Variants in PCID2 observed in about 807,000 individuals in gnomAD.
PCID2 encodes PCI domain containing 2, also known as PCI domain-containing protein 2.
A neutral mutation model predicts 61.3 loss-of-function variants in PCID2; 41 were observed. The ratio of observed to expected loss-of-function variants is 0.67; its 90% CI spans 0.52 to 0.87. The LOEUF is 0.87. Ranked by LOEUF, PCID2 falls within the 40% of genes least tolerant of loss-of-function variation. PCID2 has a pLI of 0.00. For synonymous variants in PCID2, 187 were observed against 177.8 expected (o/e 1.05, Z -0.41); for missense variants, 392 against 493.4 (o/e 0.79, Z 1.95).
intron 7 of PCID2, chr13:113,188,662 T>C (rs2138767312): frequency 6.6e-6 from 1 of 152,378 alleles, no homozygotes; most frequent in South Asian, 2.1e-4. Context: ...AGAAAAGCCA[T>C]GAATATTCTT....
intron 3 of PCID2, 142 bp downstream of exon 3, chr13:113,198,049 A>G (rs1409155896): frequency 3.1e-6 from 2 of 634,940 alleles, no homozygotes; most frequent in Non-Finnish European, 5.6e-6. Flanking sequence ...AGGCTTTACC[A>G]AACTGAAGTT....
intron 1 of PCID2, chr13:113,208,352 C>T (rs1477710673): frequency 4.1e-5 from 59 of 1,433,340 alleles, no homozygotes; most frequent in Non-Finnish European, 5.2e-5. Flanking sequence ...TCTACTTACA[C>T]CGCGACGACT....
At chr13:113,166,207 G>A in the PCID2 span, 28 of 152,292 alleles carry the variant, frequency 1.8e-4, no homozygotes, top group African/African-American at 5.3e-4. Context: ...CCACAATAAT[G>A]TAAGTAAAAG....
chr13:113,172,859 G>GA (rs1331010491), downstream of PCID2, among the ~76,000 whole-genome samples: 1 of 152,202 alleles, frequency 6.6e-6, no homozygotes, highest in African/African-American at 2.4e-5. Flanking sequence ...GCCCAGGGTA[G>GA]AATCCCAGCA....
At chr13:113,207,904 C>T (rs1024501117) in intron 1 of PCID2, 5 of 873,826 alleles carry the variant, frequency 5.7e-6, no homozygotes, top group African/African-American at 3.3e-5. Flanking sequence ...AAATCCATTC[C>T]CTATATTTCC....
chr13:113,169,737 T>C, the PCID2 span, among the ~76,000 whole-genome samples: 4 of 152,222 alleles, frequency 2.6e-5, no homozygotes, highest in East Asian at 1.9e-4. Context: ...GTGGAAGCAA[T>C]TGCTATTCCC....
At chr13:113,194,705 T>C (rs1420961455) in intron 6 of PCID2, among the ~76,000 whole-genome samples, 1 of 152,134 alleles carries the variant, frequency 6.6e-6, no homozygotes, top group Non-Finnish European at 1.5e-5. Context: ...TGCCCAAATC[T>C]ATATGAAGCT....
At chr13:113,189,628 C>T (rs148013568) in intron 7 of PCID2, among the ~76,000 whole-genome samples, 8 of 149,614 alleles carry the variant, frequency 5.3e-5, no homozygotes, top group East Asian at 2.0e-4. Context: ...CAGAATCAGA[C>T]GGAAAGTTGA....
At chr13:113,208,469 C>A in intron 1 of PCID2, 130 bp downstream of exon 1, 1 of 1,531,310 alleles carries the variant, frequency 6.5e-7, no homozygotes, top group African/African-American at 1.4e-5. Flanking sequence ...CGGCTGCCCG[C>A]CGGGGACCCG....
At chr13:113,184,729 A>C (rs1373092744) in intron 8 of PCID2, among the ~76,000 whole-genome samples, 1 of 151,640 alleles carries the variant, frequency 6.6e-6, no homozygotes, top group African/African-American at 2.4e-5. Context: ...GGCTCTGGGA[A>C]GCTGTTCCAG....
chr13:113,202,268 C>G (rs1426197181), intron 1 of PCID2, among the ~76,000 whole-genome samples: 2 of 152,226 alleles, frequency 1.3e-5, no homozygotes, highest in African/African-American at 4.8e-5. Context: ...CCCCATTGTT[C>G]AACTCAGGGT....
At chr13:113,170,868 A>G in the PCID2 span, among the ~76,000 whole-genome samples, 4 of 151,742 alleles carry the variant, frequency 2.6e-5, no homozygotes, top group East Asian at 7.7e-4. Flanking sequence ...ATCCCCCAGC[A>G]GTTGAGACCT....
the PCID2 span, among the ~76,000 whole-genome samples, chr13:113,170,173 G>A: frequency 6.6e-6 from 1 of 152,148 alleles, no homozygotes. Context: ...CACCTGGGCC[G>A]AAAGGGGAAG....
At chr13:113,202,875 A>G (rs2039532958) in intron 1 of PCID2, among the ~76,000 whole-genome samples, 2 of 152,262 alleles carry the variant, frequency 1.3e-5, no homozygotes, top group African/African-American at 2.4e-5. Context: ...AAATAGAAAG[A>G]CAAACCTTAA....
chr13:113,186,154 C>A (rs1415107697), intron 7 of PCID2: 1 of 152,592 alleles, frequency 6.6e-6, no homozygotes, highest in African/African-American at 2.4e-5. Context: ...TGTGGTGGTC[C>A]ATTTACATGA....
chr13:113,190,237 A>AT (rs2038496361), intron 7 of PCID2, among the ~76,000 whole-genome samples: 2 of 151,788 alleles, frequency 1.3e-5, no homozygotes, highest in Admixed American at 1.3e-4. Flanking sequence ...AATTAAAAAA[A>AT]AAAAAAAAAA....
chr13:113,197,649 G>A lies in PCID2; in HGVS notation c.201-406C>T, dbSNP rs571293523. Among the ~76,000 whole-genome samples, 6 of 152,308 alleles carry A rather than the reference G, an allele frequency of 3.9e-5. No homozygotes were observed. In the East Asian group the frequency reaches 9.7e-4, roughly 25 times the overall value. ...AGGTGCTTTGTACTACAAGGAACACGGTGGTGCCCCAACTCTTCCAAAGAC... is the reference window on the plus strand; with the variant it reads ...AGGTGCTTTGTACTACAAGGAACACAGTGGTGCCCCAACTCTTCCAAAGAC... On this transcript the variant is annotated intron_variant, in intron 3 of 13. Transcript: ENST00000337344.
chr13:113,208,185 G>C (rs1447990260), intron 1 of PCID2: 11 of 1,573,178 alleles, frequency 7.0e-6, no homozygotes, highest in Non-Finnish European at 9.5e-6. Context: ...GCCTCCTGGA[G>C]TCCCCGAATT....
rs757340778 is a variant in PCID2, at chr13:113,178,260, G to A, written c.1138C>T (p.Gln380Ter). The A allele has an allele frequency of 1.9e-6, 3 of 1,613,720 alleles. No homozygotes were observed. Among genetic ancestry groups the A allele is most frequent in the Non-Finnish European group, 2.5e-6 (3 of 1,179,692 alleles). Residue 380 changes from glutamine (Q) to a stop codon, truncating the protein, a stop_gained, in exon 14 of 14, where the codon CAG becomes TAG. Coordinates refer to ENST00000337344, the MANE Select transcript of PCID2 (RefSeq NM_001127202.4). LOFTEE classifies it high-confidence loss of function. ...TTGCTGACCACCAGCTTCTGATGCTGATGCGATATGTAGCCTTTGACGTGT... is the reference window on the plus strand; with the variant it reads ...TTGCTGACCACCAGCTTCTGATGCTAATGCGATATGTAGCCTTTGACGTGT... ...MGHVKGYISH[Q>*]HQKLVVSKQN...
Sources: gnomAD v4.1 joint callset for allele counts (sites outside exome capture counted in the v4.1 genomes callset) on GRCh38, gnomAD v4.1.1 for gene constraint, MANE v1.5 for transcripts, NCBI Gene and HGNC (gene_info 2026-07-23, HGNC 2026-07-21) for gene names.